Variants in SERPINE2 observed in about 807,000 individuals in gnomAD.
SERPINE2 encodes glia-derived nexin.
Under a neutral mutation model 36.3 loss-of-function variants are expected in SERPINE2, and 14 were observed. The ratio of observed to expected loss-of-function variants is 0.39; its 90% CI spans 0.25 to 0.60. SERPINE2 has a LOEUF of 0.60. SERPINE2 is among the 20% of genes least tolerant of loss of function. SERPINE2 has a pLI of 0.57. For synonymous variants in SERPINE2, 192 were observed against 191.8 expected (o/e 1.00, Z -0.01); for missense variants, 418 against 499.6 (o/e 0.84, Z 1.56).
In SERPINE2 at chr2:223,984,777, T is replaced by TG. The variant is rs1384441186; in HGVS notation, c.858dup (p.Lys287GlnfsTer29). ...TTGGGCAGGATCACCTGCACCCTCT[T>TG]GGGCACCATGATGCTCATCCAGCTG... On this transcript the variant is annotated frameshift_variant, in exon 5 of 9. Coordinates refer to ENST00000409304, the MANE Select transcript of SERPINE2 (RefSeq NM_001136528.2). LOFTEE classifies it high-confidence loss of function. The TG allele has an allele frequency of 6.2e-7, 1 of 1,613,106 alleles. No individual in the cohort carries two copies. The highest frequency in any genetic ancestry group is 8.5e-7 in the Non-Finnish European group (1 of 1,179,912).
At chr2:224,034,546 C>T (rs953428641) in intron 1 of SERPINE2, among the ~76,000 whole-genome samples, 1 of 152,128 alleles carries the variant, frequency 6.6e-6, no homozygotes, top group African/African-American at 2.4e-5. Flanking sequence ...GCCTGGTGAG[C>T]CCATGGAGCA....
intron 1 of SERPINE2, among the ~76,000 whole-genome samples, chr2:224,032,419 G>C (rs1692409359): frequency 6.6e-6 from 1 of 152,118 alleles, no homozygotes; most frequent in South Asian, 2.1e-4. Flanking sequence ...TGGGGTAGGG[G>C]TAAGAGAAGG....
chr2:224,025,565 G>A (rs1559219918), intron 1 of SERPINE2, among the ~76,000 whole-genome samples: 1 of 152,182 alleles, frequency 6.6e-6, no homozygotes, highest in Non-Finnish European at 1.5e-5. Flanking sequence ...TACCCTATGA[G>A]TTAGAAATAG....
intron 2 of SERPINE2, among the ~76,000 whole-genome samples, chr2:224,000,170 G>A (rs934407943): frequency 1.3e-5 from 2 of 152,112 alleles, no homozygotes; most frequent in Non-Finnish European, 2.9e-5. Context: ...CAGAACTTTC[G>A]GGCCAGCCTG....
chr2:224,001,510 C>T, intron 2 of SERPINE2, 132 bp downstream of exon 2: 1 of 1,014,400 alleles, frequency 9.9e-7, no homozygotes, highest in South Asian at 1.7e-5. Context: ...ACCCCAAGCC[C>T]CAAGTGGCAC....
intron 1 of SERPINE2, among the ~76,000 whole-genome samples, chr2:224,022,352 AT>A (rs1692035117): frequency 7.4e-6 from 1 of 135,612 alleles, no homozygotes; most frequent in Non-Finnish European, 1.6e-5. Flanking sequence ...AAAAAAAAAA[AT>A]TTAAAGTTAA....
At chr2:223,990,120 C>G (rs1252739219) in intron 4 of SERPINE2, among the ~76,000 whole-genome samples, 3 of 152,066 alleles carry the variant, frequency 2.0e-5, no homozygotes, top group African/African-American at 7.2e-5. Flanking sequence ...TACCCTGACC[C>G]CTTTCTCCTC....
At chr2:223,989,987 G>A (rs1690593904) in intron 4 of SERPINE2, among the ~76,000 whole-genome samples, 1 of 152,154 alleles carries the variant, frequency 6.6e-6, no homozygotes, top group Admixed American at 6.5e-5. Flanking sequence ...TGGGAGGGAG[G>A]AAGAGAGGGG....
intron 1 of SERPINE2, among the ~76,000 whole-genome samples, chr2:224,022,733 A>G (rs1356165002): frequency 6.6e-6 from 1 of 152,178 alleles, no homozygotes; most frequent in Non-Finnish European, 1.5e-5. Flanking sequence ...TTGCTTTCAC[A>G]TGGTACTTAC....
intron 7 of SERPINE2, chr2:223,978,354 TC>T (rs1690092335): frequency 6.6e-6 from 1 of 152,330 alleles, no homozygotes; most frequent in Non-Finnish European, 1.5e-5. Context: ...CTTCTCTAAA[TC>T]TTTTCTGTAT....
Position 223,984,895 on chromosome 2 carries a change from G to A in SERPINE2, c.741C>T (p.His247=), listed in dbSNP as rs150215204. The change falls in exon 5 of 9, where the codon CAC becomes CAT. Residue 247 remains histidine, a synonymous_variant. Transcript: ENST00000409304. ...CAATCAGCATGCTGATGCTTTCCCC[G>A]TGGTAGGGCAGTTCAATGAAGTTGT... is the stretch of plus-strand genomic sequence containing the variant. ...LWYNFIELPY[H]GESISMLIAL... 118 of 1,614,188 alleles carry A rather than the reference G, an allele frequency of 7.3e-5. No homozygotes were observed. Among genetic ancestry groups the A allele is most frequent in the Admixed American group, 1.5e-4 (9 of 60,020 alleles).
intron 2 of SERPINE2, among the ~76,000 whole-genome samples, chr2:223,999,911 A>C (rs1054113695): frequency 6.6e-6 from 1 of 152,202 alleles, no homozygotes; most frequent in Admixed American, 6.5e-5. Flanking sequence ...ACTTCCAAGC[A>C]AGGGGCAGAA....
intron 1 of SERPINE2, among the ~76,000 whole-genome samples, chr2:224,021,394 T>A (rs558715869): frequency 1.3e-5 from 2 of 151,932 alleles, no homozygotes; most frequent in Admixed American, 1.3e-4. Flanking sequence ...AGGGCCTACA[T>A]CAAGAGGGAA....
intron 1 of SERPINE2, among the ~76,000 whole-genome samples, chr2:224,003,906 G>C (rs540779250): frequency 3.3e-5 from 5 of 152,266 alleles, no homozygotes; most frequent in Admixed American, 2.0e-4. Flanking sequence ...GACCTGGAGG[G>C]AGGGGGAAAT....
intron 7 of SERPINE2, chr2:223,979,333 A>T (rs541575624): frequency 6.6e-6 from 1 of 152,332 alleles, no homozygotes; most frequent in African/African-American, 2.4e-5. Context: ...ATGTTACTTA[A>T]AATTACCTAG....
intron 3 of SERPINE2, among the ~76,000 whole-genome samples, chr2:223,996,086 G>A (rs1690876839): frequency 6.6e-6 from 1 of 152,120 alleles, no homozygotes; most frequent in African/African-American, 2.4e-5. Context: ...GGGCTGACAG[G>A]GCTGCAAAGT....
intron 3 of SERPINE2, among the ~76,000 whole-genome samples, chr2:223,996,726 T>A (rs543315363): frequency 2.6e-4 from 39 of 152,218 alleles, no homozygotes; most frequent in Non-Finnish European, 5.1e-4. Flanking sequence ...AGGCGACAGT[T>A]TCCCTAGGTT....
chr2:224,005,065 T>TTATATATTTTTTTATATATA, intron 1 of SERPINE2, among the ~76,000 whole-genome samples: 1 of 33,578 alleles, frequency 3.0e-5, no homozygotes, highest in South Asian at 8.7e-4. Flanking sequence ...TTTATATATA[T>TTATATATTTTTTTATATATA]TATATATATA....
At chr2:223,985,633 C>T (rs1445736397) in intron 4 of SERPINE2, among the ~76,000 whole-genome samples, 1 of 152,182 alleles carries the variant, frequency 6.6e-6, no homozygotes, top group East Asian at 1.9e-4. Context: ...TGAGGATCTA[C>T]AGCACCTCAC....
Sources: gnomAD v4.1 joint callset for allele counts (sites outside exome capture counted in the v4.1 genomes callset) on GRCh38, gnomAD v4.1.1 for gene constraint, MANE v1.5 for transcripts, NCBI Gene and HGNC (gene_info 2026-07-23, HGNC 2026-07-21) for gene names.